GHR: variants seen among roughly 807,000 people sequenced by gnomAD.
The protein encoded by GHR is GH receptor.
In GHR, 35 loss-of-function variants were observed where a neutral mutation model predicts 67.1. The observed-to-expected ratio is 0.52, with a 90% CI of 0.40 to 0.69. The LOEUF is 0.69. Ranked by LOEUF, GHR falls within the 30% of genes least tolerant of loss-of-function variation. The pLI, the probability that GHR is intolerant of heterozygous loss-of-function variation, is 0.00. For synonymous variants in GHR, 272 were observed against 269.1 expected (o/e 1.01, Z -0.10); for missense variants, 792 against 764.6 (o/e 1.04, Z -0.42).
At chr5:42,514,356 G>A (rs1174326525) in intron 1 of GHR, 8 of 978,130 alleles carry the variant, frequency 8.2e-6, no homozygotes, top group Admixed American at 6.2e-5. Context: ...TTGCTCCTCT[G>A]ATAACCAGGT....
intron 8 of GHR, among the ~76,000 whole-genome samples, chr5:42,716,463 A>G (rs1468495099): frequency 6.6e-6 from 1 of 152,202 alleles, no homozygotes; most frequent in Non-Finnish European, 1.5e-5. Context: ...CAACTCTGCC[A>G]CTGTAGCACG....
chr5:42,691,465 A>G (rs1171758439), intron 4 of GHR, among the ~76,000 whole-genome samples: 1 of 152,190 alleles, frequency 6.6e-6, no homozygotes, highest in Non-Finnish European at 1.5e-5. Context: ...CTCATTGCCC[A>G]CTTCACAGAG....
chr5:42,718,079 T>G lies in GHR; in HGVS notation c.903T>G (p.Val301=), dbSNP rs1287371607. ...TTAAAATGCTGATTCTGCCCCCAGT[T>G]CCAGTTCCAAAGATTAAAGGAATCG... ...QRIKMLILPP[V]PVPKIKGIDP... The change falls in exon 9 of 10, where the codon GTT becomes GTG. Residue 301 remains valine (V), a synonymous_variant. Coordinates refer to ENST00000230882, the MANE Select transcript of GHR (RefSeq NM_000163.5). 6.3e-7 allele frequency: 1 copy of G among 1,594,002 alleles called. No individual in the cohort carries two copies. The highest frequency in any genetic ancestry group is 1.7e-5 in the Admixed American group (1 of 59,974).
At position 42,622,599 on chromosome 5, in the gene GHR, C is replaced by A. The variant is rs116692098; in HGVS notation, c.71-6439C>A. Reference sequence around the variant, plus strand: ...CTAGACTTGGTATATTTAATAACTGCTGTGTGAGGCCCTTTACATGCATGA... The same window carrying A: ...CTAGACTTGGTATATTTAATAACTGATGTGTGAGGCCCTTTACATGCATGA... On this transcript the variant is annotated intron_variant, in intron 2 of 9. Transcript: ENST00000230882. Among the ~76,000 whole-genome samples, 292 of 152,236 alleles carry A rather than the reference C, an allele frequency of 1.9e-3. 1 individual carries two copies. Among genetic ancestry groups the A allele is most frequent in the African/African-American group, 6.9e-3 (285 of 41,514 alleles).
chr5:42,558,879 C>G (rs1749451568), intron 1 of GHR, among the ~76,000 whole-genome samples: 1 of 152,096 alleles, frequency 6.6e-6, no homozygotes, highest in South Asian at 2.1e-4. Context: ...TTATTTAATT[C>G]AGCAGTTAAA....
At chr5:42,661,575 G>T (rs1755626780) in intron 3 of GHR, among the ~76,000 whole-genome samples, 1 of 152,144 alleles carries the variant, frequency 6.6e-6, no homozygotes. Flanking sequence ...GTCACCACCA[G>T]GCCTGCCCTA....
intron 1 of GHR, among the ~76,000 whole-genome samples, chr5:42,464,804 C>T (rs561018017): frequency 6.8e-4 from 104 of 152,260 alleles, no homozygotes; most frequent in African/African-American, 2.4e-3. Flanking sequence ...TAATGTCTAT[C>T]ATTATGAGTA....
intron 3 of GHR, among the ~76,000 whole-genome samples, chr5:42,661,113 C>CA (rs1755589634): frequency 6.6e-6 from 1 of 151,990 alleles, no homozygotes. Context: ...GTGAAAAGAC[C>CA]AAATCTATGT....
Position 42,630,036 on chromosome 5 carries a change from G to A in GHR, c.136+933G>A, listed in dbSNP as rs148839200. ...CCCACCATCAACTCTGTGGGGAAGC[G>A]TCTCCAAATTCTCTAGTCCTGAACA... On this transcript the variant is annotated intron_variant, in intron 3 of 9. Coordinates refer to ENST00000230882, the MANE Select transcript of GHR (RefSeq NM_000163.5). 2.4e-3 allele frequency among the ~76,000 whole-genome samples: 315 copies of A among 131,518 alleles called. 88 individuals carry two copies. The highest frequency in any genetic ancestry group is 9.3e-3 in the African/African-American group (289 of 31,146). The allele number at this position is 131,518 out of a possible 152,430, so 86.3% of individuals were successfully genotyped here.
At chr5:42,600,915 A>ATTTTTTTT (rs1580026633) in intron 2 of GHR, among the ~76,000 whole-genome samples, 1 of 86,144 alleles carries the variant, frequency 1.2e-5, no homozygotes, top group East Asian at 3.3e-4. Flanking sequence ...TATTCTTTCT[A>ATTTTTTTT]TTCTTTTTTT....
intron 2 of GHR, among the ~76,000 whole-genome samples, chr5:42,620,741 A>G (rs1041811791): frequency 2.0e-5 from 3 of 152,176 alleles, no homozygotes. Context: ...CAGAACTGGG[A>G]AGAGAAGGTG....
In GHR at chr5:42,630,765, T is replaced by C. The variant is rs565246742; in HGVS notation, c.136+1662T>C. On this transcript the variant is annotated intron_variant, in intron 3 of 9. Transcript: ENST00000230882. ...CTGTAAGGAAATGAGAAGTAATCAG[T>C]TGAAAATGTGTTACTAATGGTACAT... 1.1e-4 allele frequency among the ~76,000 whole-genome samples: 15 copies of C among 132,060 alleles called. 2 individuals are homozygous for C. Among genetic ancestry groups the C allele is most frequent in the Admixed American group, 2.9e-4 (4 of 13,700 alleles). The allele number at this position is 132,060 out of a possible 152,430, so 86.6% of individuals were successfully genotyped here. A position where few individuals can be genotyped will look rare whatever the true frequency, so the allele number is the denominator to read the frequency against.
At chr5:42,662,413 C>T (rs140559102) in intron 3 of GHR, among the ~76,000 whole-genome samples, 3,936 of 152,246 alleles carry the variant, frequency 0.026, 188 homozygotes, top group African/African-American at 0.09. Context: ...GTCTCTCAGA[C>T]CACAGTGCAA....
At chr5:42,463,925 G>C (rs1213480113) in intron 1 of GHR, among the ~76,000 whole-genome samples, 1 of 146,332 alleles carries the variant, frequency 6.8e-6, no homozygotes, top group Non-Finnish European at 1.5e-5. Context: ...CCCGAGAGGC[G>C]GAGCTTGCAG....
chr5:42,629,078 A>T lies in GHR; in HGVS notation c.111A>T (p.Gln37His). Residue 37 changes from glutamine to histidine, a missense_variant, in exon 3 of 10, where the codon CAA becomes CAT. Coordinates refer to ENST00000230882, the MANE Select transcript of GHR (RefSeq NM_000163.5). Reference protein sequence around the residue: ...AILSRAPWSLQSVNPGLKTNS... With the variant: ...AILSRAPWSLHSVNPGLKTNS... ...TTAGCAGAGCACCCTGGAGTCTGCA[A>T]AGTGTTAATCCAGGCCTAAAGACAA... 7.1e-7 allele frequency: 1 copy of T among 1,402,166 alleles called. No homozygotes were observed. Among genetic ancestry groups the T allele is most frequent in the Non-Finnish European group, 9.8e-7 (1 of 1,017,660 alleles). The allele number at this position is 1,402,166 out of a possible 1,614,324, so 86.9% of individuals were successfully genotyped here.
chr5:42,604,696 T>A (rs978544209), intron 2 of GHR, among the ~76,000 whole-genome samples: 5 of 132,102 alleles, frequency 3.8e-5, no homozygotes, highest in African/African-American at 1.2e-4. Flanking sequence ...GTGGACAAAG[T>A]AATATCACAC....
At position 42,698,904 on chromosome 5, in the gene GHR, T is replaced by C. The variant is rs139826352; in HGVS notation, c.440-920T>C. 2.9e-3 allele frequency among the ~76,000 whole-genome samples: 448 copies of C among 152,346 alleles called. 2 individuals carry two copies. The highest frequency in any genetic ancestry group is 0.01 in the African/African-American group (422 of 41,576). On this transcript the variant is annotated intron_variant, in intron 5 of 9. Coordinates refer to ENST00000230882, the MANE Select transcript of GHR (RefSeq NM_000163.5). ...TTAGACATAGTTCCTAGCTTTGGAA[T>C]CCATATTTTTCTTCATCAGCCTCTG...
At chr5:42,660,174 G>A (rs1276742676) in intron 3 of GHR, among the ~76,000 whole-genome samples, 1 of 152,152 alleles carries the variant, frequency 6.6e-6, no homozygotes, top group African/African-American at 2.4e-5. Context: ...TCCACCTCTG[G>A]GGGCAGGGTA....
chr5:42,685,645 G>T (rs951370432), intron 3 of GHR, among the ~76,000 whole-genome samples: 2 of 152,174 alleles, frequency 1.3e-5, no homozygotes, highest in African/African-American at 4.8e-5. Context: ...TCTAACTGGT[G>T]TGAAATGGTA....
Sources: allele counts gnomAD v4.1 joint callset (sites outside exome capture counted in the v4.1 genomes callset), GRCh38; gene constraint gnomAD v4.1.1; transcripts MANE v1.5; gene names NCBI Gene and HGNC (gene_info 2026-07-23, HGNC 2026-07-21).